NLGN1: variants seen among roughly 807,000 people sequenced by gnomAD.
NLGN1 encodes the protein neuroligin-1.
A neutral mutation model predicts 65.5 loss-of-function variants in NLGN1; 12 were observed. The ratio of observed to expected loss-of-function variants is 0.18; its 90% CI spans 0.12 to 0.30. The LOEUF (loss-of-function observed/expected upper bound fraction) is 0.30. Ranked by LOEUF, NLGN1 falls within the 10% of genes least tolerant of loss-of-function variation. NLGN1 has a pLI of 1.00. For synonymous variants in NLGN1, 350 were observed against 359.5 expected, an observed-to-expected ratio of 0.97 and a Z score of 0.30; for missense variants, 750 against 1,007.1, an observed-to-expected ratio of 0.74 and a Z score of 3.46.
intron 4 of NLGN1, among the ~76,000 whole-genome samples, chr3:173,847,777 G>A (rs1263847422): frequency 6.6e-6 from 1 of 152,008 alleles, no homozygotes; most frequent in East Asian, 1.9e-4. Flanking sequence ...GAAGCTGAGT[G>A]GGGAGAATCA....
chr3:173,898,209 C>A (rs963497441), intron 4 of NLGN1, among the ~76,000 whole-genome samples: 1 of 152,094 alleles, frequency 6.6e-6, no homozygotes, highest in South Asian at 2.1e-4. Flanking sequence ...AATGTTTTTG[C>A]AATCTTTCAA....
intron 4 of NLGN1, among the ~76,000 whole-genome samples, chr3:174,241,226 A>G (rs1742744839): frequency 6.6e-6 from 1 of 152,158 alleles, no homozygotes; most frequent in Non-Finnish European, 1.5e-5. Flanking sequence ...GTAACTTTTT[A>G]AAATTCTTAT....
chr3:173,528,102 A>G (rs1403372401), intron 2 of NLGN1, among the ~76,000 whole-genome samples: 1 of 152,068 alleles, frequency 6.6e-6, no homozygotes, highest in Non-Finnish European at 1.5e-5. Flanking sequence ...TTGTCCTTTC[A>G]TTTCCATGTT....
At chr3:173,570,502 C>G (rs900245853) in intron 2 of NLGN1, among the ~76,000 whole-genome samples, 6 of 152,098 alleles carry the variant, frequency 3.9e-5, no homozygotes, top group African/African-American at 1.4e-4. Flanking sequence ...ACTGGGTGAG[C>G]TTAACCAAAT....
intron 1 of NLGN1, among the ~76,000 whole-genome samples, chr3:173,430,825 C>T (rs1717040817): frequency 6.6e-6 from 1 of 152,180 alleles, no homozygotes. Flanking sequence ...CTCCTCTTTG[C>T]TTTCTATCAT....
chr3:173,693,713 CA>C (rs1236529956), intron 3 of NLGN1, among the ~76,000 whole-genome samples: 1 of 150,856 alleles, frequency 6.6e-6, no homozygotes, highest in South Asian at 2.1e-4. Flanking sequence ...AAATAATGAA[CA>C]AAAAAACAGG....
At chr3:173,917,201 G>A (rs1740913322) in intron 4 of NLGN1, among the ~76,000 whole-genome samples, 1 of 152,142 alleles carries the variant, frequency 6.6e-6, no homozygotes, top group South Asian at 2.1e-4. Context: ...CACTGTATGA[G>A]AAGGGATTTC....
intron 3 of NLGN1, 65 bp from the exon 3 acceptor site, chr3:173,605,463 GTGGTGT>G: frequency 1.4e-6 from 1 of 726,896 alleles, no homozygotes; most frequent in South Asian, 1.5e-5. Flanking sequence ...GAGTTAGATA[GTGGTGT>G]TGCATGTTCC....
chr3:174,186,908 A>G (rs952790005), intron 4 of NLGN1, among the ~76,000 whole-genome samples: 6 of 151,942 alleles, frequency 3.9e-5, no homozygotes, highest in Non-Finnish European at 7.4e-5. Context: ...TTATCCCTCC[A>G]TATCTGAGTG....
intron 4 of NLGN1, among the ~76,000 whole-genome samples, chr3:173,887,868 C>T (rs1441665009): frequency 6.7e-6 from 1 of 149,842 alleles, no homozygotes; most frequent in Non-Finnish European, 1.5e-5. Flanking sequence ...ACAAAAATAA[C>T]ACTAAAAAAA....
chr3:173,689,620 G>A (rs1468205240), intron 3 of NLGN1, among the ~76,000 whole-genome samples: 1 of 152,058 alleles, frequency 6.6e-6, no homozygotes, highest in Admixed American at 6.6e-5. Context: ...CAAGATAATG[G>A]CCTGGTTTGC....
intron 1 of NLGN1, among the ~76,000 whole-genome samples, chr3:173,419,400 G>T (rs894548972): frequency 1.3e-5 from 2 of 151,842 alleles, no homozygotes; most frequent in South Asian, 2.1e-4. Flanking sequence ...CAGCTGGAGG[G>T]GGGCAGCTAG....
At chr3:174,183,789 T>TTAA (rs1364131937) in intron 4 of NLGN1, among the ~76,000 whole-genome samples, 1 of 152,168 alleles carries the variant, frequency 6.6e-6, no homozygotes, top group Non-Finnish European at 1.5e-5. Flanking sequence ...GGAAAGTGTG[T>TTAA]TAATACTCCT....
At chr3:173,594,748 G>A (rs1749160833) in intron 2 of NLGN1, among the ~76,000 whole-genome samples, 1 of 152,224 alleles carries the variant, frequency 6.6e-6, no homozygotes, top group Non-Finnish European at 1.5e-5. Flanking sequence ...GGGCATCCAG[G>A]CATATCCATA....
chr3:174,174,157 A>G (rs545617672), intron 4 of NLGN1, among the ~76,000 whole-genome samples: 2 of 152,176 alleles, frequency 1.3e-5, no homozygotes, highest in East Asian at 3.9e-4. Context: ...GCCTTAATTC[A>G]TTCCTTTTTA....
chr3:174,121,579 A>G (rs1347241132), intron 4 of NLGN1, among the ~76,000 whole-genome samples: 1 of 152,218 alleles, frequency 6.6e-6, no homozygotes, highest in Non-Finnish European at 1.5e-5. Context: ...CCAGCACAGG[A>G]AAATAAGAAA....
chr3:173,606,086 A>G (rs961442413), intron 3 of NLGN1, among the ~76,000 whole-genome samples: 7 of 151,996 alleles, frequency 4.6e-5, no homozygotes, highest in Non-Finnish European at 1.0e-4. Flanking sequence ...ATAATTATTG[A>G]GCAATTATTA....
At chr3:174,189,498 C>A (rs1034881738) in intron 4 of NLGN1, among the ~76,000 whole-genome samples, 1 of 151,870 alleles carries the variant, frequency 6.6e-6, no homozygotes, top group Non-Finnish European at 1.5e-5. Flanking sequence ...ATTTCCCTAG[C>A]GCCATAACAG....
chr3:173,454,579 ATCT>A (rs142690491), intron 2 of NLGN1, among the ~76,000 whole-genome samples: 25,396 of 152,148 alleles, frequency 0.17, 2,714 homozygotes, highest in East Asian at 0.41. Context: ...TATGGAGGAC[ATCT>A]TCTTTCCTTC....
Sources: allele counts gnomAD v4.1 joint callset (sites outside exome capture counted in the v4.1 genomes callset), GRCh38; gene constraint gnomAD v4.1.1; transcripts MANE v1.5; gene names NCBI Gene and HGNC (gene_info 2026-07-23, HGNC 2026-07-21).